ZDHHC15: variants seen among roughly 807,000 people sequenced by gnomAD.
ZDHHC15 encodes zDHHC palmitoyltransferase 15.
ZDHHC15 carries 19 observed loss-of-function variants against 31.7 expected under a neutral mutation model. That is an observed-to-expected ratio of 0.60 (90% CI 0.42 to 0.88). ZDHHC15 has a LOEUF of 0.88. Ranked by LOEUF, ZDHHC15 falls within the 40% of genes least tolerant of loss-of-function variation. The pLI is 0.00. For missense variants in ZDHHC15, 209 were observed against 251.2 expected, an observed-to-expected ratio of 0.83 and a Z score of 1.14; for synonymous variants, 103 against 90.0, an observed-to-expected ratio of 1.14 and a Z score of -0.82.
At chrX:75,442,678 G>T (rs750033463) in intron 4 of ZDHHC15, among the ~76,000 whole-genome samples, 2 of 111,980 alleles carry the variant, frequency 1.8e-5, no homozygotes, top group African/African-American at 6.5e-5. Context: ...AACATTCCAT[G>T]CTCATGGATA....
At chrX:75,396,011 C>T (rs900935778) in intron 10 of ZDHHC15, among the ~76,000 whole-genome samples, 2 of 112,162 alleles carry the variant, frequency 1.8e-5, no homozygotes, top group Non-Finnish European at 3.8e-5. Context: ...AGATTAAAGA[C>T]CTAACTCTGA....
intron 10 of ZDHHC15, among the ~76,000 whole-genome samples, chrX:75,393,068 C>T (rs1238628283): frequency 1.8e-5 from 2 of 110,710 alleles, no homozygotes; most frequent in Non-Finnish European, 3.8e-5. Flanking sequence ...TACTAACAGA[C>T]GCCCTAATGG....
At chrX:75,513,267 A>T (rs1343747124) in intron 1 of ZDHHC15, among the ~76,000 whole-genome samples, 1 of 111,994 alleles carries the variant, frequency 8.9e-6, no homozygotes, top group African/African-American at 3.2e-5. Flanking sequence ...TCTACCTTTC[A>T]AGTAGAATTA....
intron 10 of ZDHHC15, among the ~76,000 whole-genome samples, chrX:75,399,264 C>T (rs2083330787): frequency 8.9e-6 from 1 of 111,805 alleles, no homozygotes; most frequent in South Asian, 3.8e-4. Context: ...CTGGACAGAG[C>T]CTCCAGGGGC....
chrX:75,426,420 C>T (rs2083714511), intron 7 of ZDHHC15, among the ~76,000 whole-genome samples: 1 of 109,988 alleles, frequency 9.1e-6, no homozygotes, highest in Non-Finnish European at 1.9e-5. Context: ...ACTGTGTTGT[C>T]CCTTGATAGA....
Position 75,429,538 on chromosome X carries a change from G to A in ZDHHC15, c.483-340C>T, listed in dbSNP as rs181180289. Among the ~76,000 whole-genome samples the A allele has an allele frequency of 4.5e-5, 5 of 111,766 alleles. No individual in the cohort carries two copies. The Admixed American group carries it at 4.8e-4, about 11-fold the overall frequency. ...GGTACAGTTGTGGCATGTTCTTTTTGTAGTTAGGTGATTTCAGACTGGCCC... is the reference window on the plus strand; with the variant it reads ...GGTACAGTTGTGGCATGTTCTTTTTATAGTTAGGTGATTTCAGACTGGCCC... On this transcript the variant is annotated intron_variant, in intron 6 of 11. Transcript: ENST00000373367.
At position 75,371,219 on chromosome X, in the gene ZDHHC15, C is replaced by T. The variant is rs1322321709; in HGVS notation, c.*1759G>A. The T allele has an allele frequency of 9.0e-6, 1 of 111,623 alleles. No individual in the cohort carries two copies. The highest frequency in any genetic ancestry group is 1.9e-5 in the Non-Finnish European group (1 of 53,149). 9.2% of individuals were successfully genotyped at this position (111,623 alleles called of 1,213,427 possible). A position where few individuals can be genotyped will look rare whatever the true frequency, so the allele number is the denominator to read the frequency against. Reference sequence around the variant, plus strand: ...CCATGGGAATGGCCAAATAAGGTTTCAGGAAAAACCGAAATGAGAGTATTT... The same window carrying T: ...CCATGGGAATGGCCAAATAAGGTTTTAGGAAAAACCGAAATGAGAGTATTT... On this transcript the variant is annotated 3_prime_UTR_variant, in exon 12 of 12. Transcript: ENST00000373367.
chrX:75,392,867 C>T (rs770586351), intron 10 of ZDHHC15, among the ~76,000 whole-genome samples: 29 of 110,693 alleles, frequency 2.6e-4, no homozygotes, highest in Admixed American at 1.5e-3. Flanking sequence ...CTGGTACTGA[C>T]GACTACCTTC....
chrX:75,439,527 A>C (rs2083909894), intron 4 of ZDHHC15, among the ~76,000 whole-genome samples: 1 of 110,872 alleles, frequency 9.0e-6, no homozygotes. Context: ...GATGTTTTTT[A>C]TTTATGCTGT....
chrX:75,475,023 C>G lies in ZDHHC15; in HGVS notation c.258+3868G>C, dbSNP rs180990574. Among the ~76,000 whole-genome samples, 252 of 111,296 alleles carry G rather than the reference C, an allele frequency of 2.3e-3. 3 individuals are homozygous for G. In the East Asian group the frequency reaches 0.061, roughly 27 times the overall value. On this transcript the variant is annotated intron_variant, in intron 3 of 11. Transcript: ENST00000373367. The stretch of plus-strand genomic sequence containing the variant: ...GCAGTGAGCCGAGATTGCGCCGCTG[C>G]ACTCCTGCCTGGGCGACAGAGCGAG...
At chrX:75,397,210 C>T (rs2083307963) in intron 10 of ZDHHC15, among the ~76,000 whole-genome samples, 1 of 109,644 alleles carries the variant, frequency 9.1e-6, no homozygotes, top group Admixed American at 9.8e-5. Flanking sequence ...GCCTGTAATC[C>T]CAGCTACTCA....
At chrX:75,391,842 C>T (rs2083246156) in intron 10 of ZDHHC15, among the ~76,000 whole-genome samples, 1 of 111,893 alleles carries the variant, frequency 8.9e-6, no homozygotes, top group Admixed American at 9.5e-5. Flanking sequence ...GATATGTAAA[C>T]TACTCATATC....
At chrX:75,467,281 T>C (rs1272716558) in intron 3 of ZDHHC15, among the ~76,000 whole-genome samples, 2 of 111,977 alleles carry the variant, frequency 1.8e-5, no homozygotes, top group Non-Finnish European at 3.8e-5. Flanking sequence ...TCCTTGGGAA[T>C]ATAACTTCCT....
chrX:75,433,378 C>T (rs758935745), intron 4 of ZDHHC15, among the ~76,000 whole-genome samples: 1 of 110,511 alleles, frequency 9.0e-6, no homozygotes, highest in Non-Finnish European at 1.9e-5. Flanking sequence ...GTGCACCCAC[C>T]ATCTAAGCCG....
At chrX:75,390,571 T>C (rs149444436) in intron 10 of ZDHHC15, among the ~76,000 whole-genome samples, 1 of 111,716 alleles carries the variant, frequency 9.0e-6, no homozygotes, top group African/African-American at 3.2e-5. Flanking sequence ...TGGTAATCCA[T>C]GGAATTCTTC....
At chrX:75,486,159 C>T (rs1269235776) in intron 2 of ZDHHC15, among the ~76,000 whole-genome samples, 1 of 112,455 alleles carries the variant, frequency 8.9e-6, no homozygotes, top group African/African-American at 3.2e-5. Flanking sequence ...AACATACATC[C>T]CCACTGGGAA....
At chrX:75,392,586 T>C (rs2083257615) in intron 10 of ZDHHC15, among the ~76,000 whole-genome samples, 1 of 112,068 alleles carries the variant, frequency 8.9e-6, no homozygotes, top group South Asian at 3.7e-4. Context: ...AATAAGGTCA[T>C]AGTTACACCA....
intron 10 of ZDHHC15, among the ~76,000 whole-genome samples, chrX:75,390,198 A>G (rs1304899985): frequency 8.9e-6 from 1 of 111,942 alleles, no homozygotes; most frequent in Non-Finnish European, 1.9e-5. Flanking sequence ...GCCACATTGG[A>G]ACAGAGCACC....
At chrX:75,507,702 C>T (rs763617551) in intron 1 of ZDHHC15, among the ~76,000 whole-genome samples, 2 of 111,500 alleles carry the variant, frequency 1.8e-5, no homozygotes, top group African/African-American at 6.5e-5. Flanking sequence ...AAGTTTCACT[C>T]ACTACTAGGG....
Sources: allele counts gnomAD v4.1 joint callset (sites outside exome capture counted in the v4.1 genomes callset), GRCh38; gene constraint gnomAD v4.1.1; transcripts MANE v1.5; gene names NCBI Gene and HGNC (gene_info 2026-07-23, HGNC 2026-07-21).